PHYHIPL: variants seen among roughly 807,000 people sequenced by gnomAD.
PHYHIPL encodes the protein phytanoyl-CoA hydroxylase-interacting protein-like.
Under a neutral mutation model 33.4 loss-of-function variants are expected in PHYHIPL, and 9 were observed. That is an observed-to-expected ratio of 0.27 (90% CI 0.16 to 0.47). The LOEUF is 0.47. PHYHIPL is among the 20% of genes least tolerant of loss of function. PHYHIPL has a pLI of 0.99. For synonymous variants in PHYHIPL, 153 were observed against 154.1 expected, an observed-to-expected ratio of 0.99 and a Z score of 0.05; for missense variants, 365 against 460.7, an observed-to-expected ratio of 0.79 and a Z score of 1.90.
rs544919086 is a variant in PHYHIPL at position 59,238,765 on chromosome 10, C to A, written c.596+60C>A. The A allele has an allele frequency of 6.2e-5, 70 of 1,121,728 alleles. 1 individual carries two copies. The highest frequency in any genetic ancestry group is 8.8e-5 in the Non-Finnish European group (67 of 760,000). The allele number at this position is 1,121,728 out of a possible 1,614,324, so 69.5% of individuals were successfully genotyped here. ...TAAATATAGTTTCAAATTCTAGGCT[C>A]AGGTTTCCCTTGACTCTAGTTTTGT... On this transcript the variant is annotated intron_variant, in intron 4 of 4. Transcript: ENST00000373880.
chr10:59,211,893 A>G (rs1328793382), intron 1 of PHYHIPL, among the ~76,000 whole-genome samples: 1 of 152,112 alleles, frequency 6.6e-6, no homozygotes, highest in Non-Finnish European at 1.5e-5. Flanking sequence ...CAGAGAAGGA[A>G]TGCAATGGTT....
intron 1 of PHYHIPL, among the ~76,000 whole-genome samples, chr10:59,183,864 G>A (rs1023816488): frequency 6.6e-6 from 1 of 152,134 alleles, no homozygotes; most frequent in Non-Finnish European, 1.5e-5. Context: ...TATAGCCTGT[G>A]GGAATGTTGC....
intron 1 of PHYHIPL, among the ~76,000 whole-genome samples, chr10:59,177,770 T>A (rs542079534): frequency 6.6e-6 from 1 of 152,352 alleles, no homozygotes; most frequent in South Asian, 2.1e-4. Flanking sequence ...GCTTCTGGGT[T>A]AGCTGGACTA....
At chr10:59,213,596 C>T (rs371562362) in intron 1 of PHYHIPL, among the ~76,000 whole-genome samples, 2 of 152,062 alleles carry the variant, frequency 1.3e-5, no homozygotes, top group South Asian at 4.1e-4. Flanking sequence ...GTAGTCAAAA[C>T]TTTGGTGATT....
At chr10:59,210,241 C>T (rs1839405520) in intron 1 of PHYHIPL, among the ~76,000 whole-genome samples, 2 of 151,614 alleles carry the variant, frequency 1.3e-5, no homozygotes, top group Non-Finnish European at 3.0e-5. Context: ...AAGAAAAAAA[C>T]AACTCCATCA....
intron 1 of PHYHIPL, among the ~76,000 whole-genome samples, chr10:59,204,232 C>G (rs1839221404): frequency 6.6e-6 from 1 of 152,142 alleles, no homozygotes; most frequent in African/African-American, 2.4e-5. Flanking sequence ...AATCTTCTAT[C>G]CTGCTAGGAG....
At chr10:59,211,928 G>C (rs570900693) in intron 1 of PHYHIPL, among the ~76,000 whole-genome samples, 1 of 152,252 alleles carries the variant, frequency 6.6e-6, no homozygotes, top group East Asian at 1.9e-4. Flanking sequence ...CTCTAAAACT[G>C]ATGTTGGAAC....
At chr10:59,211,853 T>G (rs112916644) in intron 1 of PHYHIPL, among the ~76,000 whole-genome samples, 21 of 152,080 alleles carry the variant, frequency 1.4e-4, no homozygotes, top group African/African-American at 5.1e-4. Flanking sequence ...AAAGTGAAAC[T>G]CATATTTCTG....
intron 1 of PHYHIPL, among the ~76,000 whole-genome samples, chr10:59,216,146 A>G (rs1243827199): frequency 6.6e-6 from 1 of 152,144 alleles, no homozygotes; most frequent in Non-Finnish European, 1.5e-5. Flanking sequence ...AGAGGAATTT[A>G]CAGTACATTA....
chr10:59,203,734 A>C (rs1049348704), intron 1 of PHYHIPL, among the ~76,000 whole-genome samples: 1 of 113,524 alleles, frequency 8.8e-6, no homozygotes. Flanking sequence ...ACTTGGACAC[A>C]GGGTGGGGAA....
At chr10:59,181,469 C>A (rs925577862) in intron 1 of PHYHIPL, among the ~76,000 whole-genome samples, 15 of 152,036 alleles carry the variant, frequency 9.9e-5, no homozygotes, top group Admixed American at 5.9e-4. Flanking sequence ...TCACCTTAGC[C>A]CTAAAAATTG....
At chr10:59,212,617 G>T (rs1236903468) in intron 1 of PHYHIPL, among the ~76,000 whole-genome samples, 3 of 152,074 alleles carry the variant, frequency 2.0e-5, no homozygotes, top group South Asian at 2.1e-4. Flanking sequence ...TCCTTTTTCT[G>T]TCCATAAATC....
At chr10:59,202,258 G>A (rs988081010) in intron 1 of PHYHIPL, among the ~76,000 whole-genome samples, 1 of 151,966 alleles carries the variant, frequency 6.6e-6, no homozygotes, top group African/African-American at 2.4e-5. Flanking sequence ...TTCAGTAATA[G>A]GGTACACTAG....
At chr10:59,223,338 A>G (rs1489527249) in intron 1 of PHYHIPL, among the ~76,000 whole-genome samples, 1 of 152,156 alleles carries the variant, frequency 6.6e-6, no homozygotes, top group Non-Finnish European at 1.5e-5. Context: ...CCTGAATAAC[A>G]TCTATGTTTT....
At chr10:59,220,837 T>C (rs988248604) in intron 1 of PHYHIPL, among the ~76,000 whole-genome samples, 1 of 152,098 alleles carries the variant, frequency 6.6e-6, no homozygotes, top group Non-Finnish European at 1.5e-5. Context: ...AACCTCTTTG[T>C]ACCTCATTTT....
At chr10:59,237,041 A>T (rs1271802343) in intron 3 of PHYHIPL, among the ~76,000 whole-genome samples, 1 of 150,508 alleles carries the variant, frequency 6.6e-6, no homozygotes, top group Non-Finnish European at 1.5e-5. Flanking sequence ...GTACTGAAAG[A>T]CAGAAACTAG....
rs1840817091 is a variant in PHYHIPL, at chr10:59,247,490, C to T, written c.*1899C>T. The T allele has an allele frequency of 1.7e-6, 2 of 1,181,838 alleles. No individual in the cohort carries two copies. Among genetic ancestry groups the T allele is most frequent in the Non-Finnish European group, 2.4e-6 (2 of 816,634 alleles). 73.2% of individuals were successfully genotyped at this position (1,181,838 alleles called of 1,614,324 possible). A position where few individuals can be genotyped will look rare whatever the true frequency, so the allele number is the denominator to read the frequency against. ...TAAACTTGCTATTCCTTCTTAAAAA[C>T]AGCTAATACTACCACTAAAGTGCTT... On this transcript the variant is annotated 3_prime_UTR_variant, in exon 5 of 5. Transcript: ENST00000373880.
At chr10:59,203,107 G>T (rs1839174627) in intron 1 of PHYHIPL, among the ~76,000 whole-genome samples, 1 of 152,092 alleles carries the variant, frequency 6.6e-6, no homozygotes, top group South Asian at 2.1e-4. Flanking sequence ...GTGGGCAATG[G>T]ATATGAACAG....
At chr10:59,224,502 C>CAAAA (rs1839870479) in intron 1 of PHYHIPL, among the ~76,000 whole-genome samples, 2 of 138,294 alleles carry the variant, frequency 1.4e-5, no homozygotes, top group African/African-American at 2.6e-5. Context: ...AAACAAAAAA[C>CAAAA]AAAACAAAAA....
Sources: allele counts gnomAD v4.1 joint callset (sites outside exome capture counted in the v4.1 genomes callset), GRCh38; gene constraint gnomAD v4.1.1; transcripts MANE v1.5; gene names NCBI Gene and HGNC (gene_info 2026-07-23, HGNC 2026-07-21).